The following AFG1L variants were observed in gnomAD, a reference collection of about 807,000 sequenced individuals.
AFG1L encodes AFG1-like ATPase.
AFG1L carries 53 observed loss-of-function variants against 62.2 expected under a neutral mutation model. That is an observed-to-expected ratio of 0.85 (90% CI 0.68 to 1.07). The LOEUF is 1.07. Among genes scored for constraint, AFG1L ranks in the 50% least tolerant of loss-of-function variants. The pLI is 0.00. For synonymous variants in AFG1L, 228 were observed against 210.3 expected (o/e 1.08, Z -0.73); for missense variants, 555 against 590.5 (o/e 0.94, Z 0.62).
chr6:108,404,880 C>T (rs1781784136), intron 7 of AFG1L, among the ~76,000 whole-genome samples: 1 of 151,806 alleles, frequency 6.6e-6, no homozygotes, highest in African/African-American at 2.4e-5. Flanking sequence ...AGTGCACACA[C>T]CACCACACCA....
intron 2 of AFG1L, among the ~76,000 whole-genome samples, chr6:108,331,626 C>T (rs1353739093): frequency 1.3e-5 from 2 of 152,140 alleles, no homozygotes; most frequent in African/African-American, 2.4e-5. Context: ...AATTTACAAC[C>T]AGGTTAATCT....
chr6:108,317,882 G>A (rs1582580721), intron 1 of AFG1L, among the ~76,000 whole-genome samples: 1 of 152,182 alleles, frequency 6.6e-6, no homozygotes, highest in African/African-American at 2.4e-5. Context: ...TACTGTCATA[G>A]TTTTGTAAAG....
At chr6:108,417,332 C>T (rs1046245135) in intron 7 of AFG1L, among the ~76,000 whole-genome samples, 1 of 150,882 alleles carries the variant, frequency 6.6e-6, no homozygotes, top group Non-Finnish European at 1.5e-5. Context: ...GGGCCCTGAC[C>T]CACACTGGCA....
At chr6:108,398,468 C>T (rs1247837722) in intron 6 of AFG1L, among the ~76,000 whole-genome samples, 1 of 152,068 alleles carries the variant, frequency 6.6e-6, no homozygotes, top group East Asian at 1.9e-4. Context: ...GATGTGATCC[C>T]ATTTGTTCAT....
At chr6:108,410,637 T>C (rs1409862665) in intron 7 of AFG1L, among the ~76,000 whole-genome samples, 1 of 152,312 alleles carries the variant, frequency 6.6e-6, no homozygotes, top group East Asian at 1.9e-4. Flanking sequence ...CCAGTCAAAA[T>C]TAATAATATA....
At chr6:108,400,056 G>T (rs1781501012) in intron 6 of AFG1L, among the ~76,000 whole-genome samples, 1 of 152,106 alleles carries the variant, frequency 6.6e-6, no homozygotes. Flanking sequence ...TAGGATTACA[G>T]GTGTGAGCCA....
intron 4 of AFG1L, among the ~76,000 whole-genome samples, chr6:108,356,310 C>T (rs1016344148): frequency 1.3e-5 from 2 of 152,082 alleles, no homozygotes; most frequent in South Asian, 2.1e-4. Flanking sequence ...GGGTGCATTT[C>T]GATTGCATAT....
chr6:108,450,352 G>A (rs1184940370), intron 8 of AFG1L, among the ~76,000 whole-genome samples: 5 of 152,284 alleles, frequency 3.3e-5, no homozygotes, highest in South Asian at 4.1e-4. Flanking sequence ...CTGATGGCCA[G>A]TGATGATGAG....
intron 2 of AFG1L, among the ~76,000 whole-genome samples, chr6:108,329,411 G>C (rs1778183916): frequency 6.6e-6 from 1 of 152,018 alleles, no homozygotes; most frequent in South Asian, 2.1e-4. Context: ...TGATTCTCCT[G>C]TCTCGGCCTC....
intron 2 of AFG1L, among the ~76,000 whole-genome samples, chr6:108,346,448 C>T (rs1264029966): frequency 6.6e-6 from 1 of 151,996 alleles, no homozygotes; most frequent in African/African-American, 2.4e-5. Flanking sequence ...TCACTGTAGC[C>T]TTGACCTCCT....
intron 7 of AFG1L, among the ~76,000 whole-genome samples, chr6:108,403,493 A>G (rs190568629): frequency 1.3e-5 from 2 of 152,296 alleles, no homozygotes; most frequent in African/African-American, 4.8e-5. Context: ...TTAATTTCTC[A>G]GAGATATTTA....
intron 2 of AFG1L, among the ~76,000 whole-genome samples, chr6:108,338,461 A>G (rs1778552340): frequency 6.6e-6 from 1 of 152,214 alleles, no homozygotes; most frequent in African/African-American, 2.4e-5. Context: ...AAAGACTCTG[A>G]GAAATTCTGC....
chr6:108,488,579 G>A (rs1773656029), intron 10 of AFG1L, among the ~76,000 whole-genome samples: 1 of 152,048 alleles, frequency 6.6e-6, no homozygotes, highest in African/African-American at 2.4e-5. Context: ...GGGGCTGGGC[G>A]CAGTGGCTCA....
At chr6:108,352,169 CA>C (rs1254970224) in intron 3 of AFG1L, among the ~76,000 whole-genome samples, 6 of 152,192 alleles carry the variant, frequency 3.9e-5, no homozygotes, top group Admixed American at 3.9e-4. Context: ...CCTGGCCTGG[CA>C]ACCACCATTC....
chr6:108,430,096 C>T (rs568635917), intron 7 of AFG1L, among the ~76,000 whole-genome samples: 7 of 152,036 alleles, frequency 4.6e-5, no homozygotes, highest in South Asian at 2.1e-4. Context: ...TACAGGTACC[C>T]GCCACAACGC....
chr6:108,400,723 T>TAA (rs1781543456), intron 6 of AFG1L, among the ~76,000 whole-genome samples: 4 of 124,548 alleles, frequency 3.2e-5, no homozygotes, highest in African/African-American at 1.2e-4. Context: ...TTAATATATA[T>TAA]TATATATAAT....
At chr6:108,494,438 C>G (rs1401396826) in intron 10 of AFG1L, among the ~76,000 whole-genome samples, 1 of 151,352 alleles carries the variant, frequency 6.6e-6, no homozygotes, top group Non-Finnish European at 1.5e-5. Flanking sequence ...TATGCCCCCC[C>G]CACCCCGCAA....
chr6:108,328,645 T>C (rs1017333455), intron 2 of AFG1L, among the ~76,000 whole-genome samples: 2 of 151,850 alleles, frequency 1.3e-5, no homozygotes, highest in African/African-American at 4.8e-5. Context: ...TCAAGCAATC[T>C]GTCTGCCCCA....
chr6:108,392,857 G>GTA (rs1028467987), intron 6 of AFG1L, among the ~76,000 whole-genome samples: 5 of 151,944 alleles, frequency 3.3e-5, no homozygotes, highest in East Asian at 3.8e-4. Flanking sequence ...AAATCGATAT[G>GTA]TATATATATA....
Sources: gnomAD v4.1 joint callset for allele counts (sites outside exome capture counted in the v4.1 genomes callset) on GRCh38, gnomAD v4.1.1 for gene constraint, MANE v1.5 for transcripts, NCBI Gene and HGNC (gene_info 2026-07-23, HGNC 2026-07-21) for gene names.